HOPX: variants seen among roughly 807,000 people sequenced by gnomAD.
HOPX encodes homeodomain-only protein.
A neutral mutation model predicts 11.8 loss-of-function variants in HOPX; 5 were observed. The observed-to-expected ratio is 0.43, with a 90% CI of 0.22 to 0.89. The LOEUF (loss-of-function observed/expected upper bound fraction) is 0.89, where lower values mean the gene tolerates loss of function less well. Among genes scored for constraint, HOPX ranks in the 40% least tolerant of loss-of-function variants. The pLI, the probability that HOPX is intolerant of heterozygous loss-of-function variation, is 0.28. For missense variants in HOPX, 119 were observed against 120.0 expected, an observed-to-expected ratio of 0.99 and a Z score of 0.04; for synonymous variants, 49 against 49.7, an observed-to-expected ratio of 0.99 and a Z score of 0.06.
chr4:56,681,498 G>C, upstream of HOPX: 1 of 997,694 alleles, frequency 1.0e-6, no homozygotes, highest in Non-Finnish European at 1.2e-6. Flanking sequence ...TGGGACTTCT[G>C]AGAGTCTCAT....
In HOPX at chr4:56,648,748, G is replaced by C. The variant is rs1370228299; in HGVS notation, c.248C>G (p.Pro83Arg). The change falls in exon 4 of 4, where the codon CCC becomes CGC. Residue 83 changes from proline to arginine, a missense_variant. Pro to Arg is a moderately radical substitution (Grantham distance 103, BLOSUM62 -2). Transcript: ENST00000420433. ...LAKWRRSEGL[P>R]SECRSVTD ...GTCTGTGACGGATCTGCACTCTGAG[G>C]GCAGGCCTTCTGAGCGCCGCCACTT... 13 of 1,610,638 alleles carry C rather than the reference G, an allele frequency of 8.1e-6. No individual in the cohort carries two copies. The highest frequency in any genetic ancestry group is 1.0e-5 in the Non-Finnish European group (12 of 1,177,266).
chr4:56,657,705 C>T, intron 2 of HOPX, 70 bp downstream of exon 2: 1 of 738,374 alleles, frequency 1.4e-6, no homozygotes, highest in Middle Eastern at 2.3e-4. Flanking sequence ...AACACTTCTT[C>T]TTCTGTGTGC....
At chr4:56,655,522 G>A (rs1269604453) in intron 3 of HOPX, among the ~76,000 whole-genome samples, 5 of 152,230 alleles carry the variant, frequency 3.3e-5, no homozygotes, top group Non-Finnish European at 7.3e-5. Context: ...GGCGAGAGAC[G>A]CTGCTCCCAA....
chr4:56,656,037 C>G, intron 2 of HOPX, 25 bp from the exon 3 acceptor site: 1 of 1,530,216 alleles, frequency 6.5e-7, no homozygotes, highest in Non-Finnish European at 8.8e-7. Flanking sequence ...GAAGCGGCGG[C>G]GGTGAGCGAG....
intron 1 of HOPX, among the ~76,000 whole-genome samples, chr4:56,672,220 T>C (rs1356073016): frequency 1.3e-5 from 2 of 152,040 alleles, no homozygotes; most frequent in African/African-American, 4.8e-5. Context: ...AAAATGCTTC[T>C]AGAATTTATA....
At chr4:56,669,525 G>T (rs917752220) in intron 1 of HOPX, among the ~76,000 whole-genome samples, 5 of 152,090 alleles carry the variant, frequency 3.3e-5, no homozygotes, top group Non-Finnish European at 5.9e-5. Flanking sequence ...CAGATGAGGT[G>T]GTGGGGGCCT....
chr4:56,681,445 C>T (rs1578371307), upstream of HOPX: 3 of 988,694 alleles, frequency 3.0e-6, no homozygotes, highest in South Asian at 4.7e-5. Flanking sequence ...GAAAGTATGC[C>T]GAGGTTACGT....
At chr4:56,673,521 T>C (rs1311710777) in intron 1 of HOPX, among the ~76,000 whole-genome samples, 1 of 152,224 alleles carries the variant, frequency 6.6e-6, no homozygotes, top group African/African-American at 2.4e-5. Context: ...ATGGCTTACT[T>C]AATGTCCTTT....
At chr4:56,678,591 G>A (rs73163042) in intron 1 of HOPX, among the ~76,000 whole-genome samples, 5 of 151,584 alleles carry the variant, frequency 3.3e-5, no homozygotes, top group South Asian at 2.1e-4. Flanking sequence ...GATTACAGGC[G>A]CTCACCACAA....
intron 3 of HOPX, among the ~76,000 whole-genome samples, chr4:56,653,295 A>T (rs1193375615): frequency 6.6e-6 from 1 of 152,076 alleles, no homozygotes; most frequent in Non-Finnish European, 1.5e-5. Context: ...AGCCTCAAGC[A>T]ATCTTCCTGC....
At chr4:56,650,559 G>A in intron 3 of HOPX, 1 of 1,047,838 alleles carries the variant, frequency 9.5e-7, no homozygotes. Flanking sequence ...CTGCAGGACT[G>A]CTTTGGGCTC....
intron 3 of HOPX, among the ~76,000 whole-genome samples, chr4:56,653,441 C>T (rs1717399810): frequency 6.6e-6 from 1 of 152,042 alleles, no homozygotes; most frequent in Non-Finnish European, 1.5e-5. Context: ...TCTCATTCAC[C>T]AGTACCCATG....
chr4:56,651,847 GGAGA>G (rs1717198037), intron 3 of HOPX, among the ~76,000 whole-genome samples: 1 of 138,672 alleles, frequency 7.2e-6, no homozygotes, highest in Non-Finnish European at 1.5e-5. Context: ...GAAGAGAAAG[GGAGA>G]GAGAGAAAGA....
At chr4:56,681,701 T>G (rs910929444), upstream of HOPX, 3 of 996,240 alleles carry the variant, frequency 3.0e-6, no homozygotes, top group Non-Finnish European at 3.6e-6. Context: ...AGCGTAGATC[T>G]GGTGCGGTTG....
chr4:56,668,582 G>A (rs968772355), intron 1 of HOPX, among the ~76,000 whole-genome samples: 6 of 152,096 alleles, frequency 3.9e-5, no homozygotes, highest in African/African-American at 7.2e-5. Context: ...GGGCCTTGCC[G>A]TGTTGCCCAG....
intron 1 of HOPX, among the ~76,000 whole-genome samples, chr4:56,661,942 C>T (rs1718160801): frequency 6.6e-6 from 1 of 152,102 alleles, no homozygotes; most frequent in African/African-American, 2.4e-5. Context: ...CCATTTTCTC[C>T]TCTACAGAAC....
chr4:56,679,964 T>C (rs1370112277), intron 1 of HOPX: 1 of 152,178 alleles, frequency 6.6e-6, no homozygotes, highest in Non-Finnish European at 1.5e-5. Flanking sequence ...TTATCTTTTC[T>C]CAGATATAGC....
intron 2 of HOPX, 84 bp from the exon 3 acceptor site, chr4:56,656,096 G>C: frequency 7.4e-7 from 1 of 1,351,896 alleles, no homozygotes; most frequent in Non-Finnish European, 9.5e-7. Context: ...CGGCGCCGCC[G>C]GGCAGCCCCA....
chr4:56,655,828 G>A, intron 3 of HOPX, 29 bp downstream of exon 3: 1 of 1,605,500 alleles, frequency 6.2e-7, no homozygotes, highest in Non-Finnish European at 8.5e-7. Context: ...GCAGGGGTCG[G>A]GGCGCGCTGG....
Sources: allele counts gnomAD v4.1 joint callset (sites outside exome capture counted in the v4.1 genomes callset), GRCh38; gene constraint gnomAD v4.1.1; transcripts MANE v1.5; gene names NCBI Gene and HGNC (gene_info 2026-07-23, HGNC 2026-07-21).